Variants in DNAH12 observed in about 807,000 individuals in gnomAD.
DNAH12 encodes the protein axonemal beta dynein heavy chain 12.
In DNAH12, 285 loss-of-function variants were observed where a neutral mutation model predicts 371.5. The observed-to-expected ratio is 0.77, with a 90% CI of 0.70 to 0.85. The LOEUF (loss-of-function observed/expected upper bound fraction) is 0.85. DNAH12 is among the 40% of genes least tolerant of loss of function. The probability of loss-of-function intolerance (pLI) is 0.00; values close to 1 mark genes in which losing one functional copy is unlikely to be tolerated. For missense variants in DNAH12, 3,611 were observed against 3,689.4 expected, an observed-to-expected ratio of 0.98 and a Z score of 0.55; for synonymous variants, 1,200 against 1,213.0, an observed-to-expected ratio of 0.99 and a Z score of 0.22.
chr3:57,309,344 G>A, intron 68 of DNAH12, 90 bp from the exon 69 acceptor site: 1 of 1,024,154 alleles, frequency 9.8e-7, no homozygotes, highest in Non-Finnish European at 1.4e-6. Flanking sequence ...CTAATACTAG[G>A]GTGTATATGT....
At chr3:57,478,759 G>A (rs2066627667) in intron 13 of DNAH12, among the ~76,000 whole-genome samples, 1 of 152,158 alleles carries the variant, frequency 6.6e-6, no homozygotes, top group South Asian at 2.1e-4. Flanking sequence ...AAGAGAGTGG[G>A]GGCCAATATT....
rs1331486170 is a variant in DNAH12 at position 57,373,818 on chromosome 3, T to C, written c.8759+1553A>G. 2.0e-5 allele frequency among the ~76,000 whole-genome samples: 3 copies of C among 152,238 alleles called. No homozygotes were observed. In the East Asian group the frequency reaches 5.8e-4, roughly 29 times the overall value. ...TTCAGATTATATTAAATTTTGCTTA[T>C]TGCCGATAAGTTTCAACCTAAGTAT... On this transcript the variant is annotated intron_variant, in intron 55 of 73. Coordinates refer to ENST00000495027, the MANE Select transcript of DNAH12 (RefSeq NM_001366028.2).
chr3:57,512,096 C>T (rs543627931), intron 4 of DNAH12, among the ~76,000 whole-genome samples: 1 of 151,540 alleles, frequency 6.6e-6, no homozygotes, highest in Non-Finnish European at 1.5e-5. Flanking sequence ...GTTTGCATAA[C>T]AAAAACAATT....
intron 2 of DNAH12, among the ~76,000 whole-genome samples, chr3:57,535,676 G>A (rs113062209): frequency 0.14 from 20,963 of 151,774 alleles, 1,469 homozygotes; most frequent in South Asian, 0.21. Context: ...CCGAGTAGCT[G>A]GGATTACAGG....
chr3:57,304,865 A>AC (rs1478766093), intron 69 of DNAH12, among the ~76,000 whole-genome samples: 3 of 150,028 alleles, frequency 2.0e-5, no homozygotes, highest in African/African-American at 4.9e-5. Flanking sequence ...GGGGGCAAGC[A>AC]CCCCCCACCC....
At chr3:57,478,096 G>C (rs2066599889) in intron 13 of DNAH12, among the ~76,000 whole-genome samples, 1 of 152,208 alleles carries the variant, frequency 6.6e-6, no homozygotes, top group South Asian at 2.1e-4. Flanking sequence ...CGAGTTGAGA[G>C]AAGAAGGCTT....
intron 58 of DNAH12, among the ~76,000 whole-genome samples, chr3:57,359,106 T>C (rs1218893083): frequency 6.6e-6 from 1 of 152,076 alleles, no homozygotes. Flanking sequence ...CATTAAATAA[T>C]AACTTAATTA....
the DNAH12 span, among the ~76,000 whole-genome samples, chr3:57,554,628 G>C: frequency 6.6e-6 from 1 of 151,450 alleles, no homozygotes; most frequent in Non-Finnish European, 1.5e-5. Flanking sequence ...TTTTTGTTTT[G>C]TTTTGAGACG....
chr3:57,511,834 T>A (rs2068009856), intron 4 of DNAH12, among the ~76,000 whole-genome samples: 1 of 152,164 alleles, frequency 6.6e-6, no homozygotes, highest in Non-Finnish European at 1.5e-5. Context: ...ATGAAGGTTT[T>A]AATAACTATT....
rs529341489 is a variant in DNAH12, at chr3:57,323,182, G to A, written c.10208C>T (p.Pro3403Leu). The A allele has an allele frequency of 9.7e-5, 150 of 1,552,280 alleles. 2 individuals are homozygous for A. The South Asian group carries it at 1.4e-3, about 14-fold the overall frequency. Reference protein sequence around the residue: ...QAISLGQGQGPIAAKMIKAAI... With the variant: ...QAISLGQGQGLIAAKMIKAAI... ...TGCTTTAATCATTTTTGCTGCAATCGGTCCTTGTCCCTGTCCCAGTGAAAT... is the reference window on the plus strand; with the variant it reads ...TGCTTTAATCATTTTTGCTGCAATCAGTCCTTGTCCCTGTCCCAGTGAAAT... The change falls in exon 64 of 74, where the codon CCG becomes CTG. Residue 3403 changes from proline (P) to leucine (L), a missense_variant. This residue lies in a region of DNAH12 where 2,266 missense variants were observed against 2,236.9 expected (regional missense o/e 1.01). Coordinates refer to ENST00000495027, the MANE Select transcript of DNAH12 (RefSeq NM_001366028.2).
intron 65 of DNAH12, among the ~76,000 whole-genome samples, 177 bp downstream of exon 65, chr3:57,322,166 A>G (rs903479868): frequency 6.6e-6 from 1 of 152,262 alleles, no homozygotes; most frequent in African/African-American, 2.4e-5. Context: ...TGGAACACAA[A>G]CTATATTGAA....
chr3:57,339,943 T>C (rs2062352248), intron 60 of DNAH12, among the ~76,000 whole-genome samples: 1 of 152,180 alleles, frequency 6.6e-6, no homozygotes, highest in African/African-American at 2.4e-5. Flanking sequence ...TGGTGGCATA[T>C]GCCTGCAGTC....
At chr3:57,492,231 C>G (rs1265768568) in intron 11 of DNAH12, among the ~76,000 whole-genome samples, 1 of 151,858 alleles carries the variant, frequency 6.6e-6, no homozygotes, top group African/African-American at 2.4e-5. Context: ...GAGGCTGGGG[C>G]GGGCAGAGCA....
At chr3:57,301,625 A>AAAATAAAAT in intron 70 of DNAH12, 110 bp downstream of exon 70, 1 of 1,364,386 alleles carries the variant, frequency 7.3e-7, no homozygotes, top group East Asian at 2.5e-5. Context: ...GTTAACCCAA[A>AAAATAAAAT]AAATAAAATT....
Position 57,405,413 on chromosome 3 carries a change from G to A in DNAH12, c.6576+240C>T, listed in dbSNP as rs76819143. ...GTAGTTACTAAGTGATGGTCATCAT[G>A]TTAAGCACTTTATATCTATTATATC... On this transcript the variant is annotated intron_variant, in intron 41 of 73. Coordinates refer to ENST00000495027, the MANE Select transcript of DNAH12 (RefSeq NM_001366028.2). Among the ~76,000 whole-genome samples, 614 of 152,258 alleles carry A rather than the reference G, an allele frequency of 4.0e-3. 2 individuals are homozygous for A. The highest frequency in any genetic ancestry group is 0.014 in the African/African-American group (585 of 41,556).
intron 5 of DNAH12, among the ~76,000 whole-genome samples, 159 bp downstream of exon 5, chr3:57,510,631 G>A (rs927667388): frequency 1.3e-5 from 2 of 151,902 alleles, no homozygotes; most frequent in South Asian, 4.2e-4. Context: ...CAGAGATCAT[G>A]TCTCGAAGAA....
chr3:57,380,609 C>G (rs1277217230), intron 50 of DNAH12, among the ~76,000 whole-genome samples: 1 of 152,122 alleles, frequency 6.6e-6, no homozygotes, highest in Non-Finnish European at 1.5e-5. Context: ...AGACTACAGG[C>G]TTCTGTCACC....
intron 5 of DNAH12, 95 bp downstream of exon 5, chr3:57,510,695 T>C: frequency 1.9e-6 from 2 of 1,052,130 alleles, no homozygotes; most frequent in South Asian, 2.8e-5. Flanking sequence ...ATACATAGTG[T>C]TCATTACTCA....
chr3:57,338,165 G>A lies in DNAH12; in HGVS notation c.9675-3225C>T, dbSNP rs369206387. Among the ~76,000 whole-genome samples, 15 of 152,210 alleles carry A rather than the reference G, an allele frequency of 9.9e-5. No individual in the cohort carries two copies. In the East Asian group the frequency reaches 1.7e-3, roughly 18 times the overall value. On this transcript the variant is annotated intron_variant, in intron 60 of 73. Transcript: ENST00000495027. ...GTGCCTGGGATTGCAGGCACGCGACGCCATGCCTGACTGGTTTTTGTATTT... is the reference window on the plus strand; with the variant it reads ...GTGCCTGGGATTGCAGGCACGCGACACCATGCCTGACTGGTTTTTGTATTT...
Sources: allele counts gnomAD v4.1 joint callset (sites outside exome capture counted in the v4.1 genomes callset), GRCh38; gene constraint gnomAD v4.1.1; regional missense constraint gnomAD v4.1.1; transcripts MANE v1.5; gene names NCBI Gene and HGNC (gene_info 2026-07-23, HGNC 2026-07-21).